The following VSNL1 variants were observed in gnomAD, a reference collection of about 807,000 sequenced individuals.
The protein encoded by VSNL1 is visinin-like protein 1.
In VSNL1, 6 loss-of-function variants were observed where a neutral mutation model predicts 20.4. The ratio of observed to expected loss-of-function variants is 0.29; its 90% CI spans 0.16 to 0.58. VSNL1 has a LOEUF of 0.58. VSNL1 is among the 20% of genes least tolerant of loss of function. VSNL1 has a pLI of 0.90. For synonymous variants in VSNL1, 93 were observed against 86.4 expected (o/e 1.08, Z -0.42); for missense variants, 100 against 234.5 (o/e 0.43, Z 3.75).
chr2:17,549,500 C>A (rs967802688), intron 1 of VSNL1, among the ~76,000 whole-genome samples: 3 of 152,092 alleles, frequency 2.0e-5, no homozygotes, highest in Non-Finnish European at 1.5e-5. Flanking sequence ...CATAACAAAT[C>A]ATTACTTACA....
At chr2:17,638,628 C>T (rs961241817) in intron 2 of VSNL1, among the ~76,000 whole-genome samples, 2 of 152,200 alleles carry the variant, frequency 1.3e-5, no homozygotes, top group East Asian at 1.9e-4. Context: ...CCAGACCTGG[C>T]GCTGGAGTCC....
chr2:17,613,640 T>A (rs148898667), intron 2 of VSNL1, among the ~76,000 whole-genome samples: 56 of 152,282 alleles, frequency 3.7e-4, no homozygotes, highest in South Asian at 2.1e-3. Context: ...TCTTCACTCA[T>A]CATTACGCCC....
intron 2 of VSNL1, among the ~76,000 whole-genome samples, chr2:17,621,295 T>G (rs1023908528): frequency 4.0e-5 from 6 of 151,694 alleles, no homozygotes; most frequent in African/African-American, 1.5e-4. Context: ...TTTCTCTCTC[T>G]CTTTTTCTTT....
chr2:17,647,255 G>A (rs1321793531), intron 2 of VSNL1, among the ~76,000 whole-genome samples: 1 of 152,112 alleles, frequency 6.6e-6, no homozygotes, highest in Non-Finnish European at 1.5e-5. Flanking sequence ...GATAGTTAAA[G>A]CATTACAGTG....
In VSNL1 at chr2:17,586,740, T is replaced by A. The variant is rs116105345; in HGVS notation, c.-5-5330T>A. ...GTCAAGTTAATTATGCCATGGGTCA[T>A]TATTAACCACAATATCAAATACAAG... On this transcript the variant is annotated intron_variant, in intron 1 of 3. Coordinates refer to ENST00000295156, the MANE Select transcript of VSNL1 (RefSeq NM_003385.5). Among the ~76,000 whole-genome samples the A allele has an allele frequency of 6.1e-3, 936 of 152,318 alleles. 8 individuals carry two copies. Among genetic ancestry groups the A allele is most frequent in the African/African-American group, 0.021 (882 of 41,558 alleles).
At chr2:17,599,343 A>T (rs1033806047) in intron 2 of VSNL1, among the ~76,000 whole-genome samples, 1 of 152,202 alleles carries the variant, frequency 6.6e-6, no homozygotes, top group Non-Finnish European at 1.5e-5. Context: ...GAAACTAAAA[A>T]ATCTCATTGA....
intron 1 of VSNL1, among the ~76,000 whole-genome samples, chr2:17,576,138 A>T (rs893582402): frequency 6.6e-6 from 1 of 152,200 alleles, no homozygotes; most frequent in Non-Finnish European, 1.5e-5. Flanking sequence ...GCAAGAGAGG[A>T]AAACAATTGT....
At chr2:17,571,651 A>G (rs1370253408) in intron 1 of VSNL1, among the ~76,000 whole-genome samples, 1 of 152,226 alleles carries the variant, frequency 6.6e-6, no homozygotes, top group African/African-American at 2.4e-5. Flanking sequence ...TGCTAACAAG[A>G]CAGACCAGGT....
intron 2 of VSNL1, among the ~76,000 whole-genome samples, chr2:17,600,295 G>C (rs187901398): frequency 6.6e-6 from 1 of 152,082 alleles, no homozygotes; most frequent in African/African-American, 2.4e-5. Flanking sequence ...TGCTTATTTC[G>C]TGGGCTCTTG....
At chr2:17,590,184 C>T (rs189092096) in intron 1 of VSNL1, among the ~76,000 whole-genome samples, 3 of 152,164 alleles carry the variant, frequency 2.0e-5, no homozygotes, top group Non-Finnish European at 4.4e-5. Flanking sequence ...CCATCGCCAG[C>T]ACTCAATATT....
At chr2:17,620,029 T>C (rs1572202715) in intron 2 of VSNL1, among the ~76,000 whole-genome samples, 1 of 152,086 alleles carries the variant, frequency 6.6e-6, no homozygotes, top group South Asian at 2.1e-4. Context: ...ATGAACTGAG[T>C]GCTAGAGCAT....
intron 1 of VSNL1, among the ~76,000 whole-genome samples, chr2:17,579,208 C>T (rs993807295): frequency 2.0e-5 from 3 of 152,068 alleles, no homozygotes; most frequent in Admixed American, 6.6e-5. Context: ...CTCCGCCTCC[C>T]GGGTTCATGC....
chr2:17,612,924 T>C (rs1436002092), intron 2 of VSNL1, among the ~76,000 whole-genome samples: 2 of 152,174 alleles, frequency 1.3e-5, no homozygotes, highest in South Asian at 2.1e-4. Context: ...ATGAATAAGA[T>C]ACCCAACCTT....
At chr2:17,600,952 C>T (rs757212944) in intron 2 of VSNL1, among the ~76,000 whole-genome samples, 1 of 152,168 alleles carries the variant, frequency 6.6e-6, no homozygotes, top group Non-Finnish European at 1.5e-5. Flanking sequence ...TAGCTAGCTA[C>T]CAGCATTAGA....
intron 1 of VSNL1, among the ~76,000 whole-genome samples, chr2:17,570,799 C>A (rs1664061475): frequency 1.3e-5 from 2 of 152,158 alleles, no homozygotes; most frequent in South Asian, 2.1e-4. Context: ...GTAATCCCAG[C>A]ACTTTGGGAG....
At chr2:17,593,651 G>C (rs564590482) in intron 2 of VSNL1, among the ~76,000 whole-genome samples, 2 of 152,306 alleles carry the variant, frequency 1.3e-5, no homozygotes, top group African/African-American at 4.8e-5. Flanking sequence ...AACAGAATAA[G>C]TAGTGTGCAT....
intron 1 of VSNL1, among the ~76,000 whole-genome samples, chr2:17,591,816 T>A (rs1664598344): frequency 6.6e-6 from 1 of 151,842 alleles, no homozygotes; most frequent in Non-Finnish European, 1.5e-5. Flanking sequence ...CATTTGGGAG[T>A]CAACACCATA....
chr2:17,615,501 T>C (rs1572199677), intron 2 of VSNL1, among the ~76,000 whole-genome samples: 1 of 152,320 alleles, frequency 6.6e-6, no homozygotes, highest in East Asian at 1.9e-4. Context: ...TCTAACTCCC[T>C]TTGCCTCTGG....
In VSNL1 at chr2:17,649,721, C is replaced by G. The variant is rs1666083761; in HGVS notation, c.378+96C>G. On this transcript the variant is annotated intron_variant, in intron 3 of 3. Transcript: ENST00000295156. This position sits in a 1 kb window ranked among gnomAD's most constrained non-coding sequence, Gnocchi z 6.4. ...GCCTTAGTGGCTTCTTCTCTCTCTGCTCGAGCCCTGCCAGCTGCACACCAC... is the reference window on the plus strand; with the variant it reads ...GCCTTAGTGGCTTCTTCTCTCTCTGGTCGAGCCCTGCCAGCTGCACACCAC... The G allele has an allele frequency of 5.1e-6, 6 of 1,179,594 alleles. No individual in the cohort carries two copies. The highest frequency in any genetic ancestry group is 7.3e-6 in the Non-Finnish European group (6 of 818,224). 73.1% of individuals were successfully genotyped at this position (1,179,594 alleles called of 1,614,324 possible). A position where few individuals can be genotyped will look rare whatever the true frequency, so the allele number is the denominator to read the frequency against.
Sources: gnomAD v4.1 joint callset for allele counts (sites outside exome capture counted in the v4.1 genomes callset) on GRCh38, gnomAD v4.1.1 for gene constraint, Gnocchi (gnomAD v3.1) non-coding constraint, MANE v1.5 for transcripts, NCBI Gene and HGNC (gene_info 2026-07-23, HGNC 2026-07-21) for gene names.